LRRC4C: variants seen among roughly 807,000 people sequenced by gnomAD.
LRRC4C encodes leucine-rich repeat-containing protein 4C.
A neutral mutation model predicts 33.6 loss-of-function variants in LRRC4C; 5 were observed. That is an observed-to-expected ratio of 0.15 (90% CI 0.08 to 0.31). The LOEUF (loss-of-function observed/expected upper bound fraction) is 0.31, where lower values mean the gene tolerates loss of function less well. LRRC4C is among the 10% of genes least tolerant of loss of function. The pLI is 1.00. For synonymous variants in LRRC4C, 329 were observed against 302.0 expected (o/e 1.09, Z -0.93); for missense variants, 560 against 796.7 (o/e 0.70, Z 3.58).
At chr11:41,341,649 GTAAA>G (rs1951643190) in intron 1 of LRRC4C, among the ~76,000 whole-genome samples, 1 of 152,174 alleles carries the variant, frequency 6.6e-6, no homozygotes. Flanking sequence ...AAAAGACCAT[GTAAA>G]TAAAGTTTCT....
At chr11:41,356,399 G>T (rs1048055734) in intron 1 of LRRC4C, among the ~76,000 whole-genome samples, 2 of 152,092 alleles carry the variant, frequency 1.3e-5, no homozygotes, top group Non-Finnish European at 2.9e-5. Flanking sequence ...CCAGAATCCA[G>T]GCTGACTATA....
chr11:40,410,504 T>C (rs1186142055), intron 3 of LRRC4C, among the ~76,000 whole-genome samples: 1 of 152,066 alleles, frequency 6.6e-6, no homozygotes, highest in Non-Finnish European at 1.5e-5. Context: ...GGTCTTTTCA[T>C]GTTGTCAACT....
chr11:41,445,802 CT>C (rs898931187), intron 1 of LRRC4C, among the ~76,000 whole-genome samples: 1 of 151,324 alleles, frequency 6.6e-6, no homozygotes, highest in Non-Finnish European at 1.5e-5. Flanking sequence ...AACTTTTTTT[CT>C]TTCTTCAAAT....
chr11:40,986,881 G>A (rs1046335335), intron 1 of LRRC4C, among the ~76,000 whole-genome samples: 3 of 152,060 alleles, frequency 2.0e-5, no homozygotes, highest in East Asian at 1.9e-4. Flanking sequence ...AAAACAATCC[G>A]AATGAGAAAG....
At position 41,324,698 on chromosome 11, in the gene LRRC4C, G is replaced by T. The variant is rs190798600; in HGVS notation, c.-496+134733C>A. On this transcript the variant is annotated intron_variant, in intron 1 of 6. Transcript: ENST00000528697. ...TTGTCATAAAGCCTACTGTTGATGA[G>T]ATGAAGAGACTCAGAGGCAGATATT... Among the ~76,000 whole-genome samples the T allele has an allele frequency of 6.3e-4, 96 of 152,296 alleles. 1 individual carries two copies. Among genetic ancestry groups the T allele is most frequent in the African/African-American group, 2.3e-3 (94 of 41,566 alleles).
At chr11:41,268,762 C>T (rs1169849264) in intron 1 of LRRC4C, among the ~76,000 whole-genome samples, 1 of 151,698 alleles carries the variant, frequency 6.6e-6, no homozygotes, top group African/African-American at 2.4e-5. Flanking sequence ...ATGAAAATCC[C>T]AAATTCCTCA....
intron 1 of LRRC4C, among the ~76,000 whole-genome samples, chr11:41,264,544 A>G (rs964196915): frequency 6.6e-6 from 1 of 152,188 alleles, no homozygotes; most frequent in Non-Finnish European, 1.5e-5. Flanking sequence ...ATACACATGT[A>G]CATATAGACC....
intron 3 of LRRC4C, among the ~76,000 whole-genome samples, chr11:40,633,371 T>TTCTTTCTCTTTCTTTCTTTCTC (rs745929705): frequency 3.1e-5 from 3 of 96,308 alleles, no homozygotes; most frequent in African/African-American, 1.0e-4. Context: ...CTTTCTTTCT[T>TTCTTTCTCTTTCTTTCTTTCTC]TCTCTCTCTT....
chr11:40,667,570 G>A (rs1272115163), intron 2 of LRRC4C, among the ~76,000 whole-genome samples: 1 of 152,172 alleles, frequency 6.6e-6, no homozygotes, highest in Admixed American at 6.5e-5. Flanking sequence ...TTAGCTGACT[G>A]TTGTGAGTCT....
chr11:40,908,698 A>T (rs997948250), intron 2 of LRRC4C, among the ~76,000 whole-genome samples: 8 of 152,188 alleles, frequency 5.3e-5, no homozygotes, highest in African/African-American at 1.9e-4. Flanking sequence ...TAATACTTCA[A>T]ACTATTCAAA....
intron 1 of LRRC4C, among the ~76,000 whole-genome samples, chr11:41,001,706 T>G (rs912214235): frequency 3.3e-5 from 5 of 152,186 alleles, no homozygotes; most frequent in African/African-American, 1.2e-4. Flanking sequence ...ATTAAATTTC[T>G]GGAAAAGACC....
chr11:40,707,646 A>G (rs577133544), intron 2 of LRRC4C, among the ~76,000 whole-genome samples: 46 of 151,266 alleles, frequency 3.0e-4, no homozygotes, highest in African/African-American at 1.1e-3. Flanking sequence ...ATCGATGTTC[A>G]TCAGGGATAT....
chr11:41,113,688 T>C (rs1941966711), intron 1 of LRRC4C, among the ~76,000 whole-genome samples: 2 of 152,166 alleles, frequency 1.3e-5, no homozygotes, highest in East Asian at 3.9e-4. Context: ...CCCACTGAAA[T>C]CAGCACCAAG....
intron 1 of LRRC4C, among the ~76,000 whole-genome samples, chr11:41,287,245 G>C (rs761892562): frequency 2.6e-5 from 4 of 152,096 alleles, no homozygotes; most frequent in Admixed American, 6.6e-5. Context: ...TTATTACATA[G>C]AAAGAACTAT....
At chr11:40,944,110 G>C (rs1035644862) in intron 1 of LRRC4C, among the ~76,000 whole-genome samples, 1 of 152,044 alleles carries the variant, frequency 6.6e-6, no homozygotes, top group Non-Finnish European at 1.5e-5. Context: ...ATGGATAGCA[G>C]AAAATGATTT....
At chr11:40,599,574 A>G (rs1959761309) in intron 3 of LRRC4C, among the ~76,000 whole-genome samples, 1 of 152,054 alleles carries the variant, frequency 6.6e-6, no homozygotes, top group African/African-American at 2.4e-5. Context: ...TTATTTATTT[A>G]CTTGGTTTGT....
In LRRC4C at chr11:40,356,274, T is replaced by C. The variant is rs111881770; in HGVS notation, c.-269-36553A>G. On this transcript the variant is annotated intron_variant, in intron 3 of 6. Coordinates refer to ENST00000528697, the MANE Select transcript of LRRC4C (RefSeq NM_001258419.2). Reference sequence around the variant, plus strand: ...TTGAATATTTAATAATTGGCTCTTATGCGTCAGAATGAGCCAGCTCCAGAA... The same window carrying C: ...TTGAATATTTAATAATTGGCTCTTACGCGTCAGAATGAGCCAGCTCCAGAA... 7.1e-3 allele frequency among the ~76,000 whole-genome samples: 1,082 copies of C among 152,296 alleles called. 14 individuals are homozygous for C. Among genetic ancestry groups the C allele is most frequent in the African/African-American group, 0.024 (1,018 of 41,578 alleles).
intron 5 of LRRC4C, among the ~76,000 whole-genome samples, chr11:40,227,141 C>G (rs564785604): frequency 2.6e-5 from 4 of 152,244 alleles, no homozygotes; most frequent in East Asian, 3.9e-4. Context: ...AGGGAACATC[C>G]TGAGAATGAA....
intron 3 of LRRC4C, among the ~76,000 whole-genome samples, chr11:40,463,885 T>C (rs1952527956): frequency 6.6e-6 from 1 of 152,062 alleles, no homozygotes; most frequent in South Asian, 2.1e-4. Context: ...TAGAAAATTG[T>C]TCTAGGCACT....
Sources: allele counts gnomAD v4.1 joint callset (sites outside exome capture counted in the v4.1 genomes callset), GRCh38; gene constraint gnomAD v4.1.1; transcripts MANE v1.5; gene names NCBI Gene and HGNC (gene_info 2026-07-23, HGNC 2026-07-21).